OLA1: variants seen among roughly 807,000 people sequenced by gnomAD.
OLA1 encodes the protein Obg like ATPase 1.
OLA1 carries 14 observed loss-of-function variants against 48.4 expected under a neutral mutation model. That is an observed-to-expected ratio of 0.29 (90% CI 0.19 to 0.45). The LOEUF (loss-of-function observed/expected upper bound fraction) is 0.45, where lower values mean the gene tolerates loss of function less well. Among genes scored for constraint, OLA1 ranks in the 20% least tolerant of loss-of-function variants. The pLI, the probability that OLA1 is intolerant of heterozygous loss-of-function variation, is 1.00. For missense variants in OLA1, 325 were observed against 467.1 expected (o/e 0.70, Z 2.80); for synonymous variants, 127 against 150.4 (o/e 0.84, Z 1.14).
intron 4 of OLA1, among the ~76,000 whole-genome samples, chr2:174,142,994 T>A (rs1202666029): frequency 6.6e-6 from 1 of 152,076 alleles, no homozygotes; most frequent in African/African-American, 2.4e-5. Context: ...ATCAAAAAAA[T>A]CATGAGAGTT....
intron 7 of OLA1, among the ~76,000 whole-genome samples, chr2:174,101,595 T>C (rs1320957555): frequency 2.0e-5 from 3 of 152,220 alleles, no homozygotes; most frequent in Non-Finnish European, 4.4e-5. Context: ...TGTGAAGATA[T>C]TCTTCTATGT....
chr2:174,185,695 A>C (rs1207216673), intron 4 of OLA1, among the ~76,000 whole-genome samples: 2 of 152,324 alleles, frequency 1.3e-5, no homozygotes, highest in East Asian at 3.9e-4. Flanking sequence ...TGGGAGGCTG[A>C]AGTGAGTGGA....
intron 4 of OLA1, among the ~76,000 whole-genome samples, chr2:174,221,604 C>T (rs910944875): frequency 6.6e-6 from 1 of 152,160 alleles, no homozygotes; most frequent in Non-Finnish European, 1.5e-5. Context: ...CCTTCTGTCA[C>T]GTGTGTCCTA....
intron 7 of OLA1, among the ~76,000 whole-genome samples, chr2:174,118,022 G>GA (rs1389345152): frequency 6.6e-6 from 1 of 152,144 alleles, no homozygotes; most frequent in African/African-American, 2.4e-5. Context: ...GAGGCCTCAG[G>GA]AAACTTCCAA....
At chr2:174,169,538 C>G (rs571512790) in intron 4 of OLA1, among the ~76,000 whole-genome samples, 1 of 152,066 alleles carries the variant, frequency 6.6e-6, no homozygotes, top group Non-Finnish European at 1.5e-5. Flanking sequence ...TTAAACAGAC[C>G]TGTCAACCAA....
At chr2:174,188,694 A>C (rs112455369) in intron 4 of OLA1, among the ~76,000 whole-genome samples, 4 of 152,288 alleles carry the variant, frequency 2.6e-5, no homozygotes, top group African/African-American at 7.2e-5. Context: ...TGGGTGGCTG[A>C]GATACTGACA....
chr2:174,137,969 C>T (rs1686352070), intron 5 of OLA1, among the ~76,000 whole-genome samples: 1 of 152,172 alleles, frequency 6.6e-6, no homozygotes. Context: ...TGGAACCAGC[C>T]TGGGCAACAC....
Position 174,248,477 on chromosome 2 carries a change from G to T in OLA1, c.-26C>A. The T allele has an allele frequency of 6.0e-6, 1 of 165,580 alleles. No individual in the cohort carries two copies. The allele number at this position is 165,580 out of a possible 1,614,324, so 10.3% of individuals were successfully genotyped here. A position where few individuals can be genotyped will look rare whatever the true frequency, so the allele number is the denominator to read the frequency against. On this transcript the variant is annotated 5_prime_UTR_variant, in exon 1 of 11. Coordinates refer to ENST00000284719, the MANE Select transcript of OLA1 (RefSeq NM_013341.5). ...CGTGCTCGGCCTGGGCGATGACACG[G>T]GGTCCCAGCGGCAGCGAGAGAAAGG...
At chr2:174,167,453 G>C (rs1414850917) in intron 4 of OLA1, among the ~76,000 whole-genome samples, 1 of 152,164 alleles carries the variant, frequency 6.6e-6, no homozygotes, top group Non-Finnish European at 1.5e-5. Context: ...GTGCATGCCT[G>C]TAATCCCAGC....
intron 4 of OLA1, among the ~76,000 whole-genome samples, chr2:174,216,815 C>G (rs4471857): frequency 0.54 from 81,923 of 151,930 alleles, 22,717 homozygotes; most frequent in East Asian, 0.95. Flanking sequence ...CCAAATGCTG[C>G]GATTACAAGC....
intron 4 of OLA1, among the ~76,000 whole-genome samples, chr2:174,161,639 T>C (rs1687014886): frequency 6.7e-6 from 1 of 149,216 alleles, no homozygotes. Flanking sequence ...CACTCCAGCC[T>C]GGGTGACAGA....
chr2:174,180,004 T>C (rs1286383268), intron 4 of OLA1, among the ~76,000 whole-genome samples: 1 of 152,114 alleles, frequency 6.6e-6, no homozygotes, highest in Non-Finnish European at 1.5e-5. Context: ...ATAAGAAATC[T>C]GTTTCTAGGT....
intron 4 of OLA1, among the ~76,000 whole-genome samples, chr2:174,177,946 T>C (rs1687454282): frequency 1.3e-5 from 2 of 152,016 alleles, no homozygotes; most frequent in Admixed American, 6.6e-5. Flanking sequence ...AAGGAAAGAA[T>C]AGATCTCAAA....
chr2:174,208,417 T>C (rs1445921838), intron 4 of OLA1, among the ~76,000 whole-genome samples: 1 of 152,098 alleles, frequency 6.6e-6, no homozygotes. Flanking sequence ...CCTCTGAAAA[T>C]GCGCCTCTCT....
intron 3 of OLA1, among the ~76,000 whole-genome samples, chr2:174,224,420 G>A (rs949717019): frequency 1.3e-5 from 2 of 152,084 alleles, no homozygotes; most frequent in African/African-American, 2.4e-5. Flanking sequence ...CAGTTTAATC[G>A]CATTCCTAGG....
At chr2:174,237,937 A>G (rs987126775) in intron 2 of OLA1, among the ~76,000 whole-genome samples, 2 of 152,206 alleles carry the variant, frequency 1.3e-5, no homozygotes, top group African/African-American at 4.8e-5. Context: ...AAATTACCAC[A>G]ACTACAGTAT....
At chr2:174,183,009 GAC>G (rs1168866781) in intron 4 of OLA1, among the ~76,000 whole-genome samples, 4 of 152,120 alleles carry the variant, frequency 2.6e-5, no homozygotes, top group African/African-American at 9.7e-5. Flanking sequence ...AAATGTTAAA[GAC>G]AGTTTCACCC....
chr2:174,205,497 C>A (rs938998795), intron 4 of OLA1, among the ~76,000 whole-genome samples: 1 of 152,192 alleles, frequency 6.6e-6, no homozygotes, highest in African/African-American at 2.4e-5. Flanking sequence ...CATAGCTGAA[C>A]TGAACAGAAG....
At chr2:174,212,315 A>T (rs188300475) in intron 4 of OLA1, among the ~76,000 whole-genome samples, 74 of 152,356 alleles carry the variant, frequency 4.9e-4, no homozygotes, top group African/African-American at 1.6e-3. Flanking sequence ...AAAGTACAGT[A>T]AAAATGCAGT....
Sources: gnomAD v4.1 joint callset for allele counts (sites outside exome capture counted in the v4.1 genomes callset) on GRCh38, gnomAD v4.1.1 for gene constraint, MANE v1.5 for transcripts, NCBI Gene and HGNC (gene_info 2026-07-23, HGNC 2026-07-21) for gene names.